VCAN: variants seen among roughly 807,000 people sequenced by gnomAD.
VCAN encodes versican, also known as versican core protein.
In VCAN, 44 loss-of-function variants were observed where a neutral mutation model predicts 245.5. The observed-to-expected ratio is 0.18, with a 90% confidence interval of 0.14 to 0.23. The LOEUF (loss-of-function observed/expected upper bound fraction) is 0.23. Among genes scored for constraint, VCAN ranks in the 10% least tolerant of loss-of-function variants. VCAN has a pLI of 1.00. For missense variants in VCAN, 3,793 were observed against 4,057.9 expected, an observed-to-expected ratio of 0.93 and a Z score of 1.77; for synonymous variants, 1,413 against 1,437.0, an observed-to-expected ratio of 0.98 and a Z score of 0.38.
chr5:83,541,152 G>C lies in VCAN; in HGVS notation c.8149G>C (p.Asp2717His), dbSNP rs779745426. The C allele has an allele frequency of 3.7e-6, 6 of 1,613,950 alleles. No homozygotes were observed. The African/African-American group carries it at 8.0e-5, about 22-fold the overall frequency. ...EGIKAEAKAL[D>H]DMFESSTLSD... ...AATAAAAGCTGAAGCAAAAGCCCTG[G>C]ATGACATGTTTGAATCAAGCACTTT... The change falls in exon 8 of 15, where the codon GAT (aspartate) becomes CAT (histidine). Residue 2717 changes from aspartate to histidine, a missense_variant. This residue lies in a region of VCAN where 3,182 missense variants were observed against 3,250.3 expected (regional missense o/e 0.98). Coordinates refer to ENST00000265077, the MANE Select transcript of VCAN (RefSeq NM_004385.5).
chr5:83,544,575 T>A (rs1747132448), intron 8 of VCAN, among the ~76,000 whole-genome samples: 1 of 152,196 alleles, frequency 6.6e-6, no homozygotes, highest in South Asian at 2.1e-4. Context: ...ATTCCATAGA[T>A]AATCTATTTT....
chr5:83,574,984 C>A (rs1748420766), intron 13 of VCAN, among the ~76,000 whole-genome samples: 1 of 152,106 alleles, frequency 6.6e-6, no homozygotes, highest in Admixed American at 6.6e-5. Context: ...AACCTATTTG[C>A]AATTAATAAT....
At chr5:83,511,030 C>T (rs1745635757) in intron 5 of VCAN, among the ~76,000 whole-genome samples, 1 of 148,912 alleles carries the variant, frequency 6.7e-6, no homozygotes, top group Admixed American at 6.7e-5. Flanking sequence ...AGGAGAATCG[C>T]TTGAACCCGG....
At chr5:83,486,556 G>A (rs1342703172) in intron 2 of VCAN, among the ~76,000 whole-genome samples, 3 of 152,184 alleles carry the variant, frequency 2.0e-5, no homozygotes, top group African/African-American at 7.2e-5. Context: ...GAAAAGGGGA[G>A]TGGTATTTGG....
chr5:83,542,036 C>T lies in VCAN; in HGVS notation c.9033C>T (p.Asn3011=). The T allele has an allele frequency of 6.2e-7, 1 of 1,610,484 alleles. No homozygotes were observed. Among genetic ancestry groups the T allele is most frequent in the Non-Finnish European group, 8.5e-7 (1 of 1,177,456 alleles). Residue 3011 remains asparagine, a synonymous_variant, in exon 8 of 15, where the codon AAC becomes AAT. Coordinates refer to ENST00000265077, the MANE Select transcript of VCAN (RefSeq NM_004385.5). The part of the protein sequence containing the change: ...RPTLSSSPEI[N]PETQAALIRG... ...CGCTTTCTTCTTCTCCAGAAATAAA[C>T]CCTGAAACTCAAGCAGCTTTAATCA...
In VCAN at chr5:83,582,224, A is replaced by G. The variant is rs750637920; in HGVS notation, c.*1790A>G. ...AAAATGTGAATGACTTTTTTTGTGA[A>G]TGAAAATCTAAAATCTTTGTAACTT... is the stretch of plus-strand genomic sequence containing the variant. On this transcript the variant is annotated 3_prime_UTR_variant, in exon 15 of 15. Transcript: ENST00000265077. 2.0e-5 allele frequency: 3 copies of G among 152,144 alleles called. No homozygotes were observed. Among genetic ancestry groups the G allele is most frequent in the Non-Finnish European group, 4.4e-5 (3 of 68,012 alleles). The allele number at this position is 152,144 out of a possible 1,614,324, so 9.4% of individuals were successfully genotyped here.
At chr5:83,516,637 T>C (rs1745867178) in intron 6 of VCAN, among the ~76,000 whole-genome samples, 1 of 152,228 alleles carries the variant, frequency 6.6e-6, no homozygotes, top group Non-Finnish European at 1.5e-5. Context: ...ATCGTGTTGA[T>C]TTATGTTGGC....
rs141600124 is a variant in VCAN, at chr5:83,530,028, T to A, written c.4004-6979T>A. On this transcript the variant is annotated intron_variant, in intron 7 of 14. Transcript: ENST00000265077. ...TAGTGTCTGCTTAACTGAAATAACT[T>A]CTTAAAAATCCGAACCCGACATAGG... Among the ~76,000 whole-genome samples the A allele has an allele frequency of 2.5e-3, 375 of 152,242 alleles. 1 individual carries two copies. In the Middle Eastern group the frequency reaches 0.058, roughly 23 times the overall value.
chr5:83,553,640 C>T, intron 11 of VCAN, 118 bp downstream of exon 11: 2 of 1,346,972 alleles, frequency 1.5e-6, no homozygotes, highest in South Asian at 1.3e-5. Context: ...TTATCAAATC[C>T]CTCATCTGTG....
At chr5:83,516,881 A>T (rs1363186150) in intron 6 of VCAN, among the ~76,000 whole-genome samples, 1 of 152,256 alleles carries the variant, frequency 6.6e-6, no homozygotes, top group African/African-American at 2.4e-5. Context: ...AAATCCTCAG[A>T]TACACTGACT....
In VCAN at chr5:83,522,110, C is replaced by T; in HGVS notation, c.3804C>T (p.Ala1268=). The part of the protein sequence containing the change: ...VPPTTLEDIV[A]KETETDIDRE... ...CCACTACCCTTGAAGATATTGTAGCCAAGGAAACAGAAACCGATATTGATA... is the reference window on the plus strand; with the variant it reads ...CCACTACCCTTGAAGATATTGTAGCTAAGGAAACAGAAACCGATATTGATA... The change falls in exon 7 of 15, where the codon GCC becomes GCT. Residue 1268 remains alanine (A), a synonymous_variant. Coordinates refer to ENST00000265077, the MANE Select transcript of VCAN (RefSeq NM_004385.5). 1 of 1,614,080 alleles carries T rather than the reference C, an allele frequency of 6.2e-7. No individual in the cohort carries two copies. The highest frequency in any genetic ancestry group is 8.5e-7 in the Non-Finnish European group (1 of 1,180,030).
chr5:83,535,793 A>G (rs1403501732), intron 7 of VCAN: 1 of 152,130 alleles, frequency 6.6e-6, no homozygotes. Context: ...TGGCCTATGC[A>G]TGTGTGTTAT....
intron 12 of VCAN, among the ~76,000 whole-genome samples, chr5:83,562,608 A>G (rs1194083546): frequency 6.6e-6 from 1 of 152,152 alleles, no homozygotes; most frequent in Non-Finnish European, 1.5e-5. Context: ...TCATGCAGAT[A>G]TTTAAATCTA....
intron 12 of VCAN, among the ~76,000 whole-genome samples, chr5:83,563,712 A>C (rs1747963313): frequency 6.6e-6 from 1 of 152,186 alleles, no homozygotes. Context: ...GGAGTACAGC[A>C]GTGGCAATAT....
At chr5:83,558,254 C>T (rs554594399) in intron 12 of VCAN, among the ~76,000 whole-genome samples, 4 of 152,094 alleles carry the variant, frequency 2.6e-5, no homozygotes, top group Non-Finnish European at 5.9e-5. Context: ...TGCTTTGTTT[C>T]GCTGTTTACT....
In VCAN at chr5:83,508,978, T is replaced by G. The variant is rs1482921378; in HGVS notation, c.749-3125T>G. On this transcript the variant is annotated intron_variant, in intron 5 of 14. Coordinates refer to ENST00000265077, the MANE Select transcript of VCAN (RefSeq NM_004385.5). The stretch of plus-strand genomic sequence containing the variant: ...ACAGAGTGTGCTATGATCATGCCTG[T>G]GAATAGCCACTGCACTCCTGCCTGG... Among the ~76,000 whole-genome samples the G allele has an allele frequency of 2.6e-5, 4 of 152,020 alleles. No homozygotes were observed. The East Asian group carries it at 7.7e-4, about 29-fold the overall frequency.
At chr5:83,489,881 C>G (rs1360744662) in intron 2 of VCAN, among the ~76,000 whole-genome samples, 1 of 151,580 alleles carries the variant, frequency 6.6e-6, no homozygotes, top group Non-Finnish European at 1.5e-5. Context: ...TGAATGATGC[C>G]ACATTTCTAT....
chr5:83,521,017 A>T lies in VCAN; in HGVS notation c.2711A>T (p.Glu904Val). 2 of 1,613,644 alleles carry T rather than the reference A, an allele frequency of 1.2e-6. No individual in the cohort carries two copies. The highest frequency in any genetic ancestry group is 1.7e-6 in the Non-Finnish European group (2 of 1,179,880). Reference protein sequence around the residue: ...KSTLRDSTTEEKVPPITSTEG... With the variant: ...KSTLRDSTTEVKVPPITSTEG... ...ACTTTGAGAGATTCTACAACTGAAG[A>T]AAAAGTTCCACCTATCACAAGCACT... The change falls in exon 7 of 15, where the codon GAA becomes GTA. Residue 904 changes from glutamate to valine, a missense_variant. Coordinates refer to ENST00000265077, the MANE Select transcript of VCAN (RefSeq NM_004385.5).
At chr5:83,497,473 A>C (rs1228488210) in intron 5 of VCAN, among the ~76,000 whole-genome samples, 2 of 152,208 alleles carry the variant, frequency 1.3e-5, no homozygotes, top group African/African-American at 4.8e-5. Flanking sequence ...ATAACCTATT[A>C]AGTTTTAAAG....
Sources: gnomAD v4.1 joint callset for allele counts (sites outside exome capture counted in the v4.1 genomes callset) on GRCh38, gnomAD v4.1.1 for gene constraint, gnomAD v4.1.1 regional missense constraint, MANE v1.5 for transcripts, NCBI Gene and HGNC (gene_info 2026-07-23, HGNC 2026-07-21) for gene names.